Variants in LOXL2 observed in about 807,000 individuals in gnomAD.
LOXL2 encodes the protein lysyl oxidase like 2.
In LOXL2, 70 loss-of-function variants were observed where a neutral mutation model predicts 93.0. The ratio of observed to expected loss-of-function variants is 0.75; its 90% CI spans 0.62 to 0.92. The LOEUF is 0.92. Ranked by LOEUF, LOXL2 falls within the 40% of genes least tolerant of loss-of-function variation. The probability of loss-of-function intolerance (pLI) is 0.00; values close to 1 mark genes in which losing one functional copy is unlikely to be tolerated. For missense variants in LOXL2, 973 were observed against 1,054.9 expected (o/e 0.92, Z 1.08); for synonymous variants, 438 against 413.2 (o/e 1.06, Z -0.73).
chr8:23,376,904 T>C (rs1327323775), intron 1 of LOXL2, among the ~76,000 whole-genome samples: 1 of 152,184 alleles, frequency 6.6e-6, no homozygotes, highest in African/African-American at 2.4e-5. Flanking sequence ...CTGGATTCAT[T>C]GATTTTTTGA....
chr8:23,309,218 C>T (rs918616566), intron 10 of LOXL2, among the ~76,000 whole-genome samples: 3 of 151,952 alleles, frequency 2.0e-5, no homozygotes, highest in South Asian at 2.1e-4. Context: ...CTCCTGACCT[C>T]GTGATCCGCC....
At chr8:23,298,539 A>G (rs1416037174) in intron 13 of LOXL2, among the ~76,000 whole-genome samples, 1 of 152,154 alleles carries the variant, frequency 6.6e-6, no homozygotes, top group African/African-American at 2.4e-5. Context: ...TGATGCCCAC[A>G]TTTTTGAGGT....
intron 1 of LOXL2, among the ~76,000 whole-genome samples, chr8:23,402,972 C>A (rs1325348173): frequency 6.6e-6 from 1 of 152,102 alleles, no homozygotes; most frequent in Non-Finnish European, 1.5e-5. Context: ...CCTCGCCCCG[C>A]TCCGCCCCGC....
At chr8:23,329,480 G>A (rs1049709036) in intron 5 of LOXL2, among the ~76,000 whole-genome samples, 3 of 152,210 alleles carry the variant, frequency 2.0e-5, no homozygotes, top group African/African-American at 7.2e-5. Flanking sequence ...GATGGGAGCT[G>A]GGTCATTTGA....
At chr8:23,384,306 C>T (rs1013692144) in intron 1 of LOXL2, among the ~76,000 whole-genome samples, 2 of 152,216 alleles carry the variant, frequency 1.3e-5, no homozygotes, top group African/African-American at 4.8e-5. Flanking sequence ...CTCAGCTGCA[C>T]ACACCTGCTT....
chr8:23,346,496 C>T (rs1271718031), intron 3 of LOXL2, among the ~76,000 whole-genome samples: 1 of 152,164 alleles, frequency 6.6e-6, no homozygotes. Flanking sequence ...TCACGTCAGC[C>T]GGAGAGGAAG....
At chr8:23,345,717 A>C (rs1803960694) in intron 3 of LOXL2, among the ~76,000 whole-genome samples, 1 of 145,944 alleles carries the variant, frequency 6.9e-6, no homozygotes, top group Non-Finnish European at 1.5e-5. Flanking sequence ...AAATATTAAA[A>C]TATACACACA....
chr8:23,368,119 C>T lies in LOXL2; in HGVS notation c.233G>A (p.Gly78Asp). 6.2e-7 allele frequency: 1 copy of T among 1,614,134 alleles called. No individual in the cohort carries two copies. The highest frequency in any genetic ancestry group is 8.5e-7 in the Non-Finnish European group (1 of 1,180,032). The change falls in exon 2 of 14, where the codon GGC (glycine) becomes GAC (aspartate). Residue 78 changes from glycine to aspartate, a missense_variant. Transcript: ENST00000389131. ...SEGRVEVYYD[G>D]QWGTVCDDDF... ...GTCATCGCACACGGTGCCCCACTGGCCATCATAGTACACCTCCACCCGGCC... is the reference window on the plus strand; with the variant it reads ...GTCATCGCACACGGTGCCCCACTGGTCATCATAGTACACCTCCACCCGGCC...
chr8:23,297,729 G>A lies in LOXL2; in HGVS notation c.*314C>T. 9.0e-6 allele frequency: 2 copies of A among 221,972 alleles called. No homozygotes were observed. Among genetic ancestry groups the A allele is most frequent in the Non-Finnish European group, 1.7e-5 (2 of 116,310 alleles). The allele number at this position is 221,972 out of a possible 1,614,324, so 13.8% of individuals were successfully genotyped here. A position where few individuals can be genotyped will look rare whatever the true frequency, so the allele number is the denominator to read the frequency against. On this transcript the variant is annotated 3_prime_UTR_variant, in exon 14 of 14. Coordinates refer to ENST00000389131, the MANE Select transcript of LOXL2 (RefSeq NM_002318.3). Reference sequence around the variant, plus strand: ...CTGTGGTGAGCTCGGTGGCTTGAATGGGACAAGCTGATGACAACCTGTCTG... The same window carrying A: ...CTGTGGTGAGCTCGGTGGCTTGAATAGGACAAGCTGATGACAACCTGTCTG...
At chr8:23,343,776 C>T (rs886447620) in intron 3 of LOXL2, among the ~76,000 whole-genome samples, 8 of 152,132 alleles carry the variant, frequency 5.3e-5, no homozygotes, top group East Asian at 1.9e-4. Context: ...TCATTCAGGC[C>T]GCAGGACCCG....
At position 23,306,333 on chromosome 8, in the gene LOXL2, C is replaced by T. The variant is rs144654555; in HGVS notation, c.1881-2936G>A. ...TCTTTTCCCACCCCAGCCACGTGTC[C>T]GCGGGGCATCCAGAATGGACAGTCC... On this transcript the variant is annotated intron_variant, in intron 10 of 13. Transcript: ENST00000389131. Among the ~76,000 whole-genome samples the T allele has an allele frequency of 2.7e-3, 417 of 152,294 alleles. 3 individuals are homozygous for T. The highest frequency in any genetic ancestry group is 8.3e-3 in the African/African-American group (343 of 41,554).
At position 23,338,043 on chromosome 8, in the gene LOXL2, T is replaced by A. The variant is rs554934049; in HGVS notation, c.743+2949A>T. Among the ~76,000 whole-genome samples, 10 of 152,270 alleles carry A rather than the reference T, an allele frequency of 6.6e-5. No individual in the cohort carries two copies. In the South Asian group the frequency reaches 1.9e-3, roughly 28 times the overall value. ...TCACGTGACTGGGGAAGCCTCACCA[T>A]CATGGCAGAAGGTGAAGGAGGAACA... On this transcript the variant is annotated intron_variant, in intron 4 of 13. Transcript: ENST00000389131.
chr8:23,346,146 T>TAAAAAAATAAA (rs1364307667), intron 3 of LOXL2, among the ~76,000 whole-genome samples: 78 of 78,060 alleles, frequency 1.0e-3, no homozygotes, highest in African/African-American at 2.6e-3. Context: ...ATAAAATAAA[T>TAAAAAAATAAA]AAAATAAAAT....
At chr8:23,403,444 C>G (rs1205241625) in intron 1 of LOXL2, among the ~76,000 whole-genome samples, 2 of 152,110 alleles carry the variant, frequency 1.3e-5, no homozygotes, top group Non-Finnish European at 2.9e-5. Context: ...CTACAGCTCC[C>G]GGGCGCAGCC....
At chr8:23,366,873 T>C (rs1269470954) in intron 2 of LOXL2, among the ~76,000 whole-genome samples, 1 of 152,118 alleles carries the variant, frequency 6.6e-6, no homozygotes, top group Non-Finnish European at 1.5e-5. Flanking sequence ...GAACATACAC[T>C]GTCAGGGTTT....
chr8:23,297,682 G>A lies in LOXL2; in HGVS notation c.*361C>T, dbSNP rs1242615062. 1 of 203,340 alleles carries A rather than the reference G, an allele frequency of 4.9e-6. No individual in the cohort carries two copies. The highest frequency in any genetic ancestry group is 2.3e-5 in the African/African-American group (1 of 43,488). The allele number at this position is 203,340 out of a possible 1,614,324, so 12.6% of individuals were successfully genotyped here. ...CCGCATTTGTCCACGTGTCACTGGA[G>A]AAGAGCGCGGCTCCACTGTGTCTGT... On this transcript the variant is annotated 3_prime_UTR_variant, in exon 14 of 14. Coordinates refer to ENST00000389131, the MANE Select transcript of LOXL2 (RefSeq NM_002318.3).
chr8:23,310,177 G>C (rs1321158111), intron 9 of LOXL2, among the ~76,000 whole-genome samples: 1 of 152,212 alleles, frequency 6.6e-6, no homozygotes, highest in Non-Finnish European at 1.5e-5. Context: ...GGCTACGAGC[G>C]AAGCACAGAT....
intron 12 of LOXL2, among the ~76,000 whole-genome samples, chr8:23,299,633 G>A (rs1030805585): frequency 1.3e-5 from 2 of 152,188 alleles, no homozygotes; most frequent in Non-Finnish European, 2.9e-5. Flanking sequence ...AGGACCCGAG[G>A]AGAAAAGAGA....
rs758053870 is a variant in LOXL2 at position 23,322,249 on chromosome 8, A to G, written c.1183T>C (p.Cys395Arg). The G allele has an allele frequency of 2.5e-6, 4 of 1,614,082 alleles. No homozygotes were observed. The African/African-American group carries it at 5.3e-5, about 22-fold the overall frequency. The change falls in exon 7 of 14, where the codon TGC becomes CGC. Residue 395 changes from cysteine to arginine, a missense_variant. Transcript: ENST00000389131. ...IGPIHLNEIQ[C>R]TGNEKSIIDC... Reference sequence around the variant, plus strand: ...ATAATGGACTTCTCATTGCCTGTGCACTGGATCTCGTTGAGGTGGATGGGT... The same window carrying G: ...ATAATGGACTTCTCATTGCCTGTGCGCTGGATCTCGTTGAGGTGGATGGGT...
Sources: allele counts gnomAD v4.1 joint callset (sites outside exome capture counted in the v4.1 genomes callset), GRCh38; gene constraint gnomAD v4.1.1; transcripts MANE v1.5; gene names NCBI Gene and HGNC (gene_info 2026-07-23, HGNC 2026-07-21).